The following PRKG1 variants were observed in gnomAD, a reference collection of about 807,000 sequenced individuals.
PRKG1 encodes the protein cGMP-dependent protein kinase 1.
PRKG1 carries 35 observed loss-of-function variants against 88.1 expected under a neutral mutation model. The observed-to-expected ratio is 0.40, with a 90% CI of 0.30 to 0.53. PRKG1 has a LOEUF of 0.53. PRKG1 is among the 20% of genes least tolerant of loss of function. PRKG1 has a pLI of 0.59. For missense variants in PRKG1, 540 were observed against 839.8 expected (o/e 0.64, Z 4.41); for synonymous variants, 303 against 292.5 (o/e 1.04, Z -0.37).
intron 2 of PRKG1, among the ~76,000 whole-genome samples, chr10:51,417,372 G>A (rs1221540292): frequency 6.6e-6 from 1 of 152,120 alleles, no homozygotes; most frequent in African/African-American, 2.4e-5. Context: ...TTTAACTGTA[G>A]CATTCAGCCT....
At chr10:52,004,952 G>T (rs1844692136) in intron 5 of PRKG1, among the ~76,000 whole-genome samples, 1 of 151,902 alleles carries the variant, frequency 6.6e-6, no homozygotes, top group African/African-American at 2.4e-5. Context: ...AAAGAAATAT[G>T]ATTTTTTAAA....
intron 7 of PRKG1, among the ~76,000 whole-genome samples, chr10:52,117,175 T>TGTGTGC (rs1554806204): frequency 0.022 from 3,301 of 150,644 alleles, 137 homozygotes; most frequent in African/African-American, 0.075. Context: ...TGTGTGTGTG[T>TGTGTGC]GTGTGTGTGT....
intron 5 of PRKG1, among the ~76,000 whole-genome samples, chr10:52,014,847 G>A (rs182316631): frequency 2.0e-4 from 31 of 152,328 alleles, no homozygotes; most frequent in Admixed American, 1.0e-3. Flanking sequence ...AAATCTTAAA[G>A]CTCCAAAATA....
At chr10:51,448,925 T>C (rs1201847040) in intron 2 of PRKG1, among the ~76,000 whole-genome samples, 1 of 152,080 alleles carries the variant, frequency 6.6e-6, no homozygotes, top group African/African-American at 2.4e-5. Flanking sequence ...TTTTGTTTAT[T>C]TTGATGTTAT....
At chr10:51,403,865 A>G (rs1158009115) in intron 2 of PRKG1, among the ~76,000 whole-genome samples, 2 of 152,196 alleles carry the variant, frequency 1.3e-5, no homozygotes, top group Admixed American at 1.3e-4. Context: ...TTATAAAAGA[A>G]AAAATAAATC....
chr10:51,628,965 C>A (rs1331513531), intron 3 of PRKG1, among the ~76,000 whole-genome samples: 133 of 98,362 alleles, frequency 1.4e-3, no homozygotes, highest in African/African-American at 2.5e-3. Context: ...GACTCCGTCT[C>A]AAAAAAAAAA....
At chr10:51,462,897 T>A (rs574917221) in intron 2 of PRKG1, among the ~76,000 whole-genome samples, 195 of 152,280 alleles carry the variant, frequency 1.3e-3, no homozygotes, top group African/African-American at 4.4e-3. Context: ...ATGAAAATTA[T>A]ACCAATCTAG....
At chr10:51,739,895 A>C (rs1440036341) in intron 3 of PRKG1, among the ~76,000 whole-genome samples, 2 of 152,142 alleles carry the variant, frequency 1.3e-5, no homozygotes, top group Non-Finnish European at 2.9e-5. Flanking sequence ...ATCACTTTAT[A>C]GTGCAACTGC....
At chr10:51,131,043 T>C (rs1845554731) in intron 1 of PRKG1, among the ~76,000 whole-genome samples, 1 of 152,246 alleles carries the variant, frequency 6.6e-6, no homozygotes, top group Admixed American at 6.5e-5. Context: ...ATTTATTATA[T>C]GCCATATTAA....
intron 1 of PRKG1, among the ~76,000 whole-genome samples, chr10:51,024,457 A>T (rs1389017330): frequency 2.0e-5 from 3 of 152,198 alleles, no homozygotes; most frequent in East Asian, 1.9e-4. Context: ...CTTGACCTAG[A>T]TATTATTTCA....
intron 3 of PRKG1, among the ~76,000 whole-genome samples, chr10:51,582,520 G>C (rs955745877): frequency 7.0e-6 from 1 of 143,116 alleles, no homozygotes; most frequent in East Asian, 2.4e-4. Context: ...TGTTTTCATT[G>C]TTCAGCTCCC....
intron 8 of PRKG1, among the ~76,000 whole-genome samples, chr10:52,144,591 A>G (rs1263050876): frequency 6.6e-6 from 1 of 152,140 alleles, no homozygotes; most frequent in Non-Finnish European, 1.5e-5. Flanking sequence ...CAGGTGGATC[A>G]CTTGAGGTCA....
intron 3 of PRKG1, among the ~76,000 whole-genome samples, chr10:51,504,518 G>A (rs1044845308): frequency 6.6e-6 from 1 of 152,128 alleles, no homozygotes; most frequent in Non-Finnish European, 1.5e-5. Flanking sequence ...AAAGTCATTG[G>A]TAGCTTGATG....
At chr10:52,022,817 G>A (rs1845220516) in intron 5 of PRKG1, among the ~76,000 whole-genome samples, 1 of 152,040 alleles carries the variant, frequency 6.6e-6, no homozygotes, top group African/African-American at 2.4e-5. Flanking sequence ...TCAGGAAATA[G>A]CAAAATCATG....
chr10:51,072,801 A>G (rs1305719627), upstream of PRKG1, among the ~76,000 whole-genome samples: 2 of 152,146 alleles, frequency 1.3e-5, no homozygotes, highest in East Asian at 1.9e-4. Flanking sequence ...TAAATGAACA[A>G]GCTTGTTAAG....
At chr10:51,989,891 T>C (rs1362130447) in intron 5 of PRKG1, among the ~76,000 whole-genome samples, 1 of 152,150 alleles carries the variant, frequency 6.6e-6, no homozygotes, top group Non-Finnish European at 1.5e-5. Flanking sequence ...CAGACCAATA[T>C]CATGGGACTT....
intron 3 of PRKG1, among the ~76,000 whole-genome samples, chr10:51,803,976 G>C (rs561056000): frequency 6.6e-6 from 1 of 152,262 alleles, no homozygotes; most frequent in South Asian, 2.1e-4. Context: ...CATTGTCAAA[G>C]ATAGTGGTGC....
chr10:51,284,422 A>G (rs1840380893), intron 2 of PRKG1, among the ~76,000 whole-genome samples: 1 of 152,232 alleles, frequency 6.6e-6, no homozygotes, highest in South Asian at 2.1e-4. Flanking sequence ...GACATGGCCC[A>G]AGCTAAAACT....
At chr10:51,537,360 T>A (rs1172477872) in intron 3 of PRKG1, among the ~76,000 whole-genome samples, 1 of 152,188 alleles carries the variant, frequency 6.6e-6, no homozygotes, top group Non-Finnish European at 1.5e-5. Context: ...ATACCTATCA[T>A]ACTGCCTCTG....
Sources: allele counts gnomAD v4.1 joint callset (sites outside exome capture counted in the v4.1 genomes callset), GRCh38; gene constraint gnomAD v4.1.1; transcripts MANE v1.5; gene names NCBI Gene and HGNC (gene_info 2026-07-23, HGNC 2026-07-21).